The following PLEKHS1 variants were observed in gnomAD, a reference collection of about 807,000 sequenced individuals.
PLEKHS1 encodes pleckstrin homology domain-containing family S member 1.
In PLEKHS1, 55 loss-of-function variants were observed where a neutral mutation model predicts 51.0. The ratio of observed to expected loss-of-function variants is 1.08; its 90% CI spans 0.87 to 1.35. The LOEUF (loss-of-function observed/expected upper bound fraction) is 1.35, where lower values mean the gene tolerates loss of function less well. PLEKHS1 is among the 40% of genes most tolerant of loss of function. PLEKHS1 has a pLI of 0.00. For synonymous variants in PLEKHS1, 153 were observed against 144.8 expected (o/e 1.06, Z -0.41); for missense variants, 398 against 423.0 (o/e 0.94, Z 0.52).
At chr10:113,770,118 T>G (rs1170606382) in intron 7 of PLEKHS1, among the ~76,000 whole-genome samples, 1 of 152,252 alleles carries the variant, frequency 6.6e-6, no homozygotes, top group African/African-American at 2.4e-5. Flanking sequence ...TCATTTTAGA[T>G]GCTCTTGATA....
downstream of PLEKHS1, chr10:113,782,994 G>C (rs542742876): frequency 1.3e-5 from 2 of 152,264 alleles, no homozygotes; most frequent in African/African-American, 4.8e-5. Flanking sequence ...CCAACCCTTT[G>C]GGAGGCCGGG....
intron 10 of PLEKHS1, 37 bp downstream of exon 10, chr10:113,775,072 G>A (rs1844588566): frequency 2.6e-6 from 4 of 1,546,010 alleles, no homozygotes; most frequent in East Asian, 4.5e-5. Context: ...TGGGCCCTAA[G>A]AGCAAGGCAG....
chr10:113,772,278 G>A (rs1380578083), intron 8 of PLEKHS1, among the ~76,000 whole-genome samples, 189 bp downstream of exon 8: 1 of 152,186 alleles, frequency 6.6e-6, no homozygotes, highest in Non-Finnish European at 1.5e-5. Context: ...AGGGTTCTAT[G>A]CTGAAGAGAG....
chr10:113,763,696 A>G (rs1844043338), intron 2 of PLEKHS1, among the ~76,000 whole-genome samples: 1 of 152,252 alleles, frequency 6.6e-6, no homozygotes, highest in Admixed American at 6.5e-5. Flanking sequence ...ATAATAAAAG[A>G]ACTTTACAAA....
downstream of PLEKHS1, chr10:113,782,660 C>G (rs1184801045): frequency 6.6e-6 from 1 of 152,442 alleles, no homozygotes. Context: ...TCCTCCTGCT[C>G]CTGCCGTGTA....
exon 8 of PLEKHS1, chr10:113,772,016 A>G: frequency 1.9e-6 from 3 of 1,613,846 alleles, no homozygotes; most frequent in Non-Finnish European, 2.5e-6. Flanking sequence ...ACTCACCTAC[A>G]AGATTTATCA....
intron 2 of PLEKHS1, chr10:113,765,120 T>C (rs768683773): frequency 1.5e-5 from 6 of 389,112 alleles, no homozygotes; most frequent in Non-Finnish European, 1.8e-5. Context: ...TAAACTTTGA[T>C]TGACTGCCAA....
intron 11 of PLEKHS1, among the ~76,000 whole-genome samples, chr10:113,780,107 T>A (rs1844820798): frequency 6.7e-6 from 1 of 148,820 alleles, no homozygotes; most frequent in Non-Finnish European, 1.5e-5. Flanking sequence ...ATGCTACAGA[T>A]GAGGGAAGTG....
chr10:113,768,389 C>T (rs897433621), intron 5 of PLEKHS1, among the ~76,000 whole-genome samples: 1 of 152,134 alleles, frequency 6.6e-6, no homozygotes, highest in Non-Finnish European at 1.5e-5. Flanking sequence ...TTTAAGTTGT[C>T]CTGTGAGTCC....
chr10:113,772,100 C>T lies in PLEKHS1; in HGVS notation c.672+11C>T. 1 of 1,610,418 alleles carries T rather than the reference C, an allele frequency of 6.2e-7. No individual in the cohort carries two copies. On this transcript the variant is annotated intron_variant, in intron 8 of 11. Coordinates refer to ENST00000361048, the Ensembl canonical transcript of PLEKHS1. The stretch of plus-strand genomic sequence containing the variant: ...AGTGTTCTTTTAGAGGTAACCCCTT[C>T]TTGTCCATTCATCATTTGTTTCTTT...
rs193266357 is a variant in PLEKHS1 at position 113,781,064 on chromosome 10, C to T, written c.*462C>T. 65 of 427,940 alleles carry T rather than the reference C, an allele frequency of 1.5e-4. 1 individual carries two copies. In the East Asian group the frequency reaches 1.7e-3, roughly 11 times the overall value. The allele number at this position is 427,940 out of a possible 1,614,324, so 26.5% of individuals were successfully genotyped here. On this transcript the variant is annotated 3_prime_UTR_variant, in exon 12 of 12. Transcript: ENST00000361048. ...GATTGGGTCAGTCCTTCATGTAATACATGCTGTGTTCTGTGAGGATGTGGT... is the reference window on the plus strand; with the variant it reads ...GATTGGGTCAGTCCTTCATGTAATATATGCTGTGTTCTGTGAGGATGTGGT...
At chr10:113,780,335 AC>A (rs1413226604) in intron 11 of PLEKHS1, among the ~76,000 whole-genome samples, 1 of 151,994 alleles carries the variant, frequency 6.6e-6, no homozygotes, top group East Asian at 1.9e-4. Context: ...GTGCAATTGG[AC>A]CCCTTAGAGC....
exon 12 of PLEKHS1, chr10:113,780,614 A>C: frequency 6.2e-7 from 1 of 1,613,478 alleles, no homozygotes; most frequent in East Asian, 2.2e-5. Flanking sequence ...ATTAAAGCTT[A>C]CCATCGGCAG....
At chr10:113,755,550 A>G in intron 2 of PLEKHS1, 1 of 583,284 alleles carries the variant, frequency 1.7e-6, no homozygotes, top group South Asian at 4.2e-5. Context: ...CACTACAGGC[A>G]TATGCCACCA....
intron 1 of PLEKHS1, among the ~76,000 whole-genome samples, chr10:113,753,927 C>G (rs1376754609): frequency 6.6e-6 from 1 of 152,072 alleles, no homozygotes; most frequent in Non-Finnish European, 1.5e-5. Flanking sequence ...TCTGCCTCAG[C>G]CTCCCAAGTA....
intron 7 of PLEKHS1, 42 bp from the exon 8 acceptor site, chr10:113,771,928 C>G (rs761205169): frequency 6.3e-7 from 1 of 1,584,102 alleles, no homozygotes; most frequent in Admixed American, 1.9e-5. Flanking sequence ...AATTCTATCT[C>G]TTGCAAAGAA....
intron 8 of PLEKHS1, 46 bp downstream of exon 8, chr10:113,772,135 T>C: frequency 1.2e-6 from 2 of 1,603,554 alleles, no homozygotes; most frequent in Non-Finnish European, 1.7e-6. Flanking sequence ...TAACAAATAT[T>C]TACTGAAACC....
Position 113,759,808 on chromosome 10 carries a change from A to G in PLEKHS1, c.28+4503A>G, listed in dbSNP as rs530927374. Among the ~76,000 whole-genome samples the G allele has an allele frequency of 9.8e-5, 15 of 152,328 alleles. No homozygotes were observed. The East Asian group carries it at 1.5e-3, about 16-fold the overall frequency. ...CCTAGAATCAAAATGGCTGGGTCAT[A>G]TGGTTGGAGTATGCTTACTTTTCAT... On this transcript the variant is annotated intron_variant, in intron 2 of 11. Coordinates refer to ENST00000361048, the Ensembl canonical transcript of PLEKHS1.
At position 113,758,900 on chromosome 10, in the gene PLEKHS1, G is replaced by C. The variant is rs571041466; in HGVS notation, c.28+3595G>C. ...TGATGATGAAAATGTTTGAGATATT[G>C]CAAGAATTGCCAAAATGTGACACAG... On this transcript the variant is annotated intron_variant, in intron 2 of 11. Coordinates refer to ENST00000361048, the Ensembl canonical transcript of PLEKHS1. Among the ~76,000 whole-genome samples the C allele has an allele frequency of 2.0e-5, 3 of 152,248 alleles. No homozygotes were observed. The East Asian group carries it at 5.8e-4, about 29-fold the overall frequency.
Sources: gnomAD v4.1 joint callset for allele counts (sites outside exome capture counted in the v4.1 genomes callset) on GRCh38, gnomAD v4.1.1 for gene constraint, MANE v1.5 for transcripts, NCBI Gene and HGNC (gene_info 2026-07-23, HGNC 2026-07-21) for gene names.